PIAS1: variants seen among roughly 807,000 people sequenced by gnomAD.
The protein encoded by PIAS1 is E3 SUMO-protein ligase PIAS1.
A neutral mutation model predicts 71.3 loss-of-function variants in PIAS1; 6 were observed. That is an observed-to-expected ratio of 0.08 (90% CI 0.05 to 0.17). The LOEUF (loss-of-function observed/expected upper bound fraction) is 0.17, where lower values mean the gene tolerates loss of function less well. Among genes scored for constraint, PIAS1 ranks in the 10% least tolerant of loss-of-function variants. The pLI, the probability that PIAS1 is intolerant of heterozygous loss-of-function variation, is 1.00. For missense variants in PIAS1, 555 were observed against 793.6 expected, an observed-to-expected ratio of 0.70 and a Z score of 3.61; for synonymous variants, 303 against 292.9, an observed-to-expected ratio of 1.03 and a Z score of -0.35.
At chr15:68,130,202 G>T (rs1206983585) in intron 2 of PIAS1, among the ~76,000 whole-genome samples, 1 of 151,818 alleles carries the variant, frequency 6.6e-6, no homozygotes, top group Non-Finnish European at 1.5e-5. Context: ...AGGAAAAAAG[G>T]TGGAATTAAT....
At chr15:68,092,579 A>T (rs191408486) in intron 2 of PIAS1, among the ~76,000 whole-genome samples, 2 of 152,192 alleles carry the variant, frequency 1.3e-5, no homozygotes, top group Admixed American at 6.5e-5. Flanking sequence ...CACAAATTCA[A>T]ATGTTGAAAC....
chr15:68,141,947 A>G lies in PIAS1; in HGVS notation c.471A>G (p.Ala157=), dbSNP rs747826986. 3.8e-5 allele frequency: 60 copies of G among 1,595,346 alleles called. No individual in the cohort carries two copies. In the African/African-American group the frequency reaches 5.6e-4, roughly 15 times the overall value. ...AAGTATAATTCTTGTCTTCTTTAGCATCAGACAACAGTCAGCGCTTTCGAG... is the reference window on the plus strand; with the variant it reads ...AAGTATAATTCTTGTCTTCTTTAGCGTCAGACAACAGTCAGCGCTTTCGAG... ...LDELIKPTSL[A]SDNSQRFRET... is the part of the protein sequence containing the mutation. Residue 157 remains alanine (A), a splice_region_variant and synonymous_variant, in exon 3 of 14, where the codon GCA becomes GCG. Coordinates refer to ENST00000249636, the MANE Select transcript of PIAS1 (RefSeq NM_016166.3).
intron 2 of PIAS1, among the ~76,000 whole-genome samples, chr15:68,089,718 G>A (rs147391949): frequency 6.6e-6 from 1 of 151,870 alleles, no homozygotes; most frequent in African/African-American, 2.4e-5. Context: ...CACCATGCCC[G>A]ACTAATTTTG....
chr15:68,114,801 A>G (rs1467115388), intron 2 of PIAS1, among the ~76,000 whole-genome samples: 1 of 151,766 alleles, frequency 6.6e-6, no homozygotes, highest in Non-Finnish European at 1.5e-5. Context: ...TTTTTGATCT[A>G]GTTCGTTTCT....
intron 1 of PIAS1, among the ~76,000 whole-genome samples, chr15:68,058,417 T>A (rs980371929): frequency 6.6e-6 from 1 of 152,214 alleles, no homozygotes; most frequent in Non-Finnish European, 1.5e-5. Context: ...TTTTTATAGA[T>A]AGAGAAAGTG....
In PIAS1 at chr15:68,193,827, A is replaced by C. The variant is rs1203460497; in HGVS notation, c.*5992A>C. ...TTAATAAAATCAATACAAATCTTTTATTAAAGATCTACTCATACCATGGCT... is the reference window on the plus strand; with the variant it reads ...TTAATAAAATCAATACAAATCTTTTCTTAAAGATCTACTCATACCATGGCT... On this transcript the variant is annotated 3_prime_UTR_variant, in exon 14 of 14. Coordinates refer to ENST00000249636, the MANE Select transcript of PIAS1 (RefSeq NM_016166.3). 5.4e-6 allele frequency: 3 copies of C among 558,702 alleles called. No homozygotes were observed. The African/African-American group carries it at 5.6e-5, about 11-fold the overall frequency. The allele number at this position is 558,702 out of a possible 1,614,324, so 34.6% of individuals were successfully genotyped here. A position where few individuals can be genotyped will look rare whatever the true frequency, so the allele number is the denominator to read the frequency against.
In PIAS1 at chr15:68,173,751, C is replaced by T; in HGVS notation, c.1028C>T (p.Thr343Ile). The stretch of plus-strand genomic sequence containing the variant: ...TTAAAGCTTGGTAAAATGCGGCTGA[C>T]AATTCCGTGTCGGGCCCTTACATGT... ...LLCPLGKMRLTIPCRALTCSH... is the reference protein window; with the variant it reads ...LLCPLGKMRLIIPCRALTCSH... Residue 343 changes from threonine (T) to isoleucine (I), a missense_variant, in exon 9 of 14, where the codon ACA becomes ATA. Thr to Ile is a moderately conservative substitution (Grantham distance 89). Coordinates refer to ENST00000249636, the MANE Select transcript of PIAS1 (RefSeq NM_016166.3). The surrounding 1 kb of genome is among the most constrained non-coding windows in gnomAD (Gnocchi z 4.3). 6.5e-7 allele frequency: 1 copy of T among 1,546,868 alleles called. No homozygotes were observed. Among genetic ancestry groups the T allele is most frequent in the Non-Finnish European group, 8.8e-7 (1 of 1,137,452 alleles).
At chr15:68,068,880 A>G (rs1187539270) in intron 1 of PIAS1, among the ~76,000 whole-genome samples, 2 of 145,432 alleles carry the variant, frequency 1.4e-5, no homozygotes, top group Admixed American at 1.5e-4. Flanking sequence ...GTTACACCTT[A>G]AATGTTTTTG....
intron 2 of PIAS1, among the ~76,000 whole-genome samples, chr15:68,120,562 G>A (rs1294883512): frequency 6.6e-6 from 1 of 152,018 alleles, no homozygotes; most frequent in Non-Finnish European, 1.5e-5. Flanking sequence ...CCCTACTTCA[G>A]GTGACATTTT....
chr15:68,112,500 A>G (rs948981044), intron 2 of PIAS1, among the ~76,000 whole-genome samples: 5 of 152,076 alleles, frequency 3.3e-5, no homozygotes, highest in Non-Finnish European at 7.4e-5. Flanking sequence ...GTCATCAGTG[A>G]CCATTATACC....
At position 68,092,415 on chromosome 15, in the gene PIAS1, C is replaced by T. The variant is rs567514996; in HGVS notation, c.469+5665C>T. ...TTGAACTTCTGATCTCAAAGCAGTC[C>T]GCTCACCTCAGCCTCTCAAAGTGCT... On this transcript the variant is annotated intron_variant, in intron 2 of 13. Coordinates refer to ENST00000249636, the MANE Select transcript of PIAS1 (RefSeq NM_016166.3). Among the ~76,000 whole-genome samples, 7 of 152,214 alleles carry T rather than the reference C, an allele frequency of 4.6e-5. No individual in the cohort carries two copies. The South Asian group carries it at 1.0e-3, about 23-fold the overall frequency.
At chr15:68,065,327 C>A (rs1442212430) in intron 1 of PIAS1, among the ~76,000 whole-genome samples, 1 of 152,068 alleles carries the variant, frequency 6.6e-6, no homozygotes, top group African/African-American at 2.4e-5. Flanking sequence ...GTGGCTCACA[C>A]CTGTAATTCC....
chr15:68,163,792 A>G (rs1026107340), intron 7 of PIAS1, among the ~76,000 whole-genome samples: 1 of 152,200 alleles, frequency 6.6e-6, no homozygotes, highest in Non-Finnish European at 1.5e-5. Context: ...TTGACTGTGT[A>G]TACAGCTACC....
Position 68,188,743 on chromosome 15 carries a change from G to T in PIAS1, c.*908G>T, listed in dbSNP as rs1383657062. 6.6e-6 allele frequency: 1 copy of T among 152,144 alleles called. No individual in the cohort carries two copies. The highest frequency in any genetic ancestry group is 1.5e-5 in the Non-Finnish European group (1 of 68,022). 9.4% of individuals were successfully genotyped at this position (152,144 alleles called of 1,614,324 possible). A position where few individuals can be genotyped will look rare whatever the true frequency, so the allele number is the denominator to read the frequency against. On this transcript the variant is annotated 3_prime_UTR_variant, in exon 14 of 14. Coordinates refer to ENST00000249636, the MANE Select transcript of PIAS1 (RefSeq NM_016166.3). The stretch of plus-strand genomic sequence containing the variant: ...TCTAAATCTGGATTGCCAGTATTGT[G>T]TATTTAAACCAAGTCTGTGAATACC...
At chr15:68,121,386 C>CT (rs1185450359) in intron 2 of PIAS1, among the ~76,000 whole-genome samples, 2 of 150,274 alleles carry the variant, frequency 1.3e-5, no homozygotes, top group Admixed American at 6.6e-5. Flanking sequence ...TTTCCTTTGT[C>CT]TTTTTTCTTC....
At chr15:68,137,865 A>G (rs1266863269) in intron 2 of PIAS1, among the ~76,000 whole-genome samples, 1 of 152,202 alleles carries the variant, frequency 6.6e-6, no homozygotes, top group Non-Finnish European at 1.5e-5. Context: ...ATTAGAAACA[A>G]CTAAAGAAGA....
rs1414129066 is a variant in PIAS1, at chr15:68,173,063, C to G, written c.1009-669C>G. On this transcript the variant is annotated intron_variant, in intron 8 of 13. Coordinates refer to ENST00000249636, the MANE Select transcript of PIAS1 (RefSeq NM_016166.3). The surrounding 1 kb of genome is among the most constrained non-coding windows in gnomAD (Gnocchi z 4.3). ...TCAGTTTTGTCCTGTGAACTACTTT[C>G]ATTCATAGATAAGACTGATAGCAAA... Among the ~76,000 whole-genome samples, 1 of 152,244 alleles carries G rather than the reference C, an allele frequency of 6.6e-6. No individual in the cohort carries two copies. The highest frequency in any genetic ancestry group is 2.4e-5 in the African/African-American group (1 of 41,464).
At chr15:68,119,860 C>T (rs1386063567) in intron 2 of PIAS1, among the ~76,000 whole-genome samples, 3 of 152,238 alleles carry the variant, frequency 2.0e-5, no homozygotes, top group African/African-American at 7.2e-5. Flanking sequence ...CTATTATGTA[C>T]ATGTCCTCTT....
intron 2 of PIAS1, among the ~76,000 whole-genome samples, chr15:68,088,289 T>C (rs749370749): frequency 1.3e-5 from 2 of 150,776 alleles, no homozygotes; most frequent in Non-Finnish European, 3.0e-5. Flanking sequence ...ATATGTGTTA[T>C]GTATTGATCA....
Sources: allele counts gnomAD v4.1 joint callset (sites outside exome capture counted in the v4.1 genomes callset), GRCh38; gene constraint gnomAD v4.1.1; non-coding constraint Gnocchi (gnomAD v3.1); transcripts MANE v1.5; gene names NCBI Gene and HGNC (gene_info 2026-07-23, HGNC 2026-07-21).